The following ACTR3C variants were observed in gnomAD, a reference collection of about 807,000 sequenced individuals.
ACTR3C encodes the protein actin-related protein 3C.
Under a neutral mutation model 26.3 loss-of-function variants are expected in ACTR3C, and 18 were observed. The observed-to-expected ratio is 0.68, with a 90% confidence interval of 0.47 to 1.01. The LOEUF (loss-of-function observed/expected upper bound fraction) is 1.01. Among genes scored for constraint, ACTR3C ranks in the 50% least tolerant of loss-of-function variants. The pLI is 0.00. For synonymous variants in ACTR3C, 55 were observed against 94.5 expected (o/e 0.58, Z 2.42); for missense variants, 184 against 250.7 (o/e 0.73, Z 1.80).
intron 4 of ACTR3C, among the ~76,000 whole-genome samples, chr7:150,288,606 G>C (rs1457520714): frequency 6.7e-6 from 1 of 148,164 alleles, no homozygotes; most frequent in African/African-American, 2.6e-5. Flanking sequence ...GGATCAAATA[G>C]TCAAATATTC....
the ACTR3C span, among the ~76,000 whole-genome samples, chr7:149,926,123 C>A: frequency 6.6e-6 from 1 of 151,648 alleles, no homozygotes. Flanking sequence ...ATGAAAAAAA[C>A]CTTTCTTATG....
chr7:149,952,725 T>A, the ACTR3C span, among the ~76,000 whole-genome samples: 1 of 150,884 alleles, frequency 6.6e-6, no homozygotes, highest in Non-Finnish European at 1.5e-5. Flanking sequence ...ATGAAAAAAA[T>A]TCAACCTTAC....
At chr7:150,142,222 G>A in the ACTR3C span, among the ~76,000 whole-genome samples, 4 of 152,276 alleles carry the variant, frequency 2.6e-5, no homozygotes, top group South Asian at 2.1e-4. Flanking sequence ...CACCTAGTTC[G>A]TCTACATTCC....
chr7:150,176,830 A>G, the ACTR3C span, among the ~76,000 whole-genome samples: 2 of 150,966 alleles, frequency 1.3e-5, no homozygotes, highest in African/African-American at 5.0e-5. Flanking sequence ...GCTTTTAAAA[A>G]CATTTCATAT....
At chr7:150,023,818 G>A in the ACTR3C span, among the ~76,000 whole-genome samples, 1 of 144,150 alleles carries the variant, frequency 6.9e-6, no homozygotes, top group African/African-American at 2.5e-5. Flanking sequence ...CTTCTGGGCT[G>A]GTGGGCACGG....
chr7:150,305,269 C>G (rs1391347145), intron 1 of ACTR3C, among the ~76,000 whole-genome samples: 1 of 152,146 alleles, frequency 6.6e-6, no homozygotes, highest in Non-Finnish European at 1.5e-5. Context: ...TACATATCTC[C>G]TTACATAATT....
chr7:150,164,330 G>C, the ACTR3C span, among the ~76,000 whole-genome samples: 1 of 152,180 alleles, frequency 6.6e-6, no homozygotes, highest in Admixed American at 6.5e-5. Flanking sequence ...TTGGGGTGAG[G>C]GTGTTTCAGC....
the ACTR3C span, among the ~76,000 whole-genome samples, chr7:150,042,386 G>C: frequency 6.8e-6 from 1 of 147,126 alleles, no homozygotes; most frequent in African/African-American, 2.6e-5. Context: ...GAGCAAAGGG[G>C]GGAAGAGGGG....
chr7:150,095,551 A>G, the ACTR3C span, among the ~76,000 whole-genome samples: 4 of 150,320 alleles, frequency 2.7e-5, no homozygotes, highest in East Asian at 7.7e-4. Flanking sequence ...GACAGTGTAT[A>G]TACCCTTGGA....
chr7:149,882,556 A>C, the ACTR3C span, among the ~76,000 whole-genome samples: 1 of 151,076 alleles, frequency 6.6e-6, no homozygotes, highest in Non-Finnish European at 1.5e-5. Context: ...GCTCATGTCC[A>C]CTCCACTCCC....
At chr7:149,932,047 C>A in the ACTR3C span, among the ~76,000 whole-genome samples, 2 of 152,214 alleles carry the variant, frequency 1.3e-5, no homozygotes, top group Non-Finnish European at 1.5e-5. Flanking sequence ...TTCATAGCAG[C>A]CTCATTCATA....
At chr7:150,042,606 G>A in the ACTR3C span, among the ~76,000 whole-genome samples, 1 of 149,330 alleles carries the variant, frequency 6.7e-6, no homozygotes, top group Admixed American at 6.6e-5. Context: ...TGCGATGGGA[G>A]TCCCAAGAGC....
chr7:150,137,424 T>C, the ACTR3C span, among the ~76,000 whole-genome samples: 11 of 152,222 alleles, frequency 7.2e-5, no homozygotes, highest in Non-Finnish European at 1.2e-4. Flanking sequence ...CTCGGGAAAC[T>C]GAGGGGTGGC....
chr7:150,295,542 T>C (rs1447106065), intron 1 of ACTR3C, among the ~76,000 whole-genome samples, 195 bp from the exon 2 acceptor site: 1 of 152,280 alleles, frequency 6.6e-6, no homozygotes, highest in Non-Finnish European at 1.5e-5. Context: ...TCAGAGTAAA[T>C]ACTTCTCTGA....
intron 6 of ACTR3C, among the ~76,000 whole-genome samples, chr7:150,273,603 A>G (rs1335662072): frequency 6.7e-6 from 1 of 150,238 alleles, no homozygotes; most frequent in Non-Finnish European, 1.5e-5. Context: ...TCTGAACTCA[A>G]GGTTTGTTTA....
At chr7:150,061,656 A>C in the ACTR3C span, among the ~76,000 whole-genome samples, 1 of 32,528 alleles carries the variant, frequency 3.1e-5, no homozygotes, top group African/African-American at 9.5e-5. Context: ...TGAGTGCTGC[A>C]TCTTGCAGGA....
chr7:150,198,153 G>A, the ACTR3C span, among the ~76,000 whole-genome samples: 1 of 150,944 alleles, frequency 6.6e-6, no homozygotes, highest in Admixed American at 6.6e-5. Flanking sequence ...GTGCTCAATG[G>A]TGCCCAGGCT....
At chr7:149,934,540 G>A in the ACTR3C span, among the ~76,000 whole-genome samples, 1 of 152,232 alleles carries the variant, frequency 6.6e-6, no homozygotes, top group South Asian at 2.1e-4. Context: ...ATGGAATTGT[G>A]GGTTATTCAC....
the ACTR3C span, among the ~76,000 whole-genome samples, chr7:149,942,921 T>G: frequency 6.6e-6 from 1 of 151,762 alleles, no homozygotes; most frequent in Non-Finnish European, 1.5e-5. Flanking sequence ...TTTCACATGC[T>G]TGGGCTGATC....
Sources: gnomAD v4.1 joint callset for allele counts (sites outside exome capture counted in the v4.1 genomes callset) on GRCh38, gnomAD v4.1.1 for gene constraint, MANE v1.5 for transcripts, NCBI Gene and HGNC (gene_info 2026-07-23, HGNC 2026-07-21) for gene names.